MMP1: variants seen among roughly 807,000 people sequenced by gnomAD.
MMP1 encodes interstitial collagenase.
In MMP1, 51 loss-of-function variants were observed where a neutral mutation model predicts 49.6. The ratio of observed to expected loss-of-function variants is 1.03; its 90% CI spans 0.82 to 1.30. The LOEUF is 1.30. MMP1 is among the 50% of genes most tolerant of loss of function. The pLI is 0.00. For synonymous variants in MMP1, 230 were observed against 196.8 expected (o/e 1.17, Z -1.41); for missense variants, 623 against 568.7 (o/e 1.10, Z -0.97).
chr11:102,797,284 G>A lies in MMP1; in HGVS notation c.322C>T (p.Arg108Cys), dbSNP rs534208150. Reference protein sequence around the residue: ...AQFVLTEGNPRWEQTHLTYRI... With the variant: ...AQFVLTEGNPCWEQTHLTYRI... ...TAGGTCAGATGTGTTTGCTCCCAGC[G>A]AGGGTTCCCCTCAGTGAGGACAAAC... is the stretch of plus-strand genomic sequence containing the variant. Residue 108 changes from arginine to cysteine, a missense_variant, in exon 2 of 10, where the codon CGC becomes TGC. Arg to Cys is a radical substitution (Grantham distance 180). Coordinates refer to ENST00000315274, the MANE Select transcript of MMP1 (RefSeq NM_002421.4). 45 of 1,614,190 alleles carry A rather than the reference G, an allele frequency of 2.8e-5. No homozygotes were observed. The highest frequency in any genetic ancestry group is 2.0e-4 in the South Asian group (18 of 91,084).
Position 102,796,602 on chromosome 11 carries a change from C to T in MMP1, c.625+62G>A, listed in dbSNP as rs1409159587. The T allele has an allele frequency of 1.9e-6, 3 of 1,550,980 alleles. No individual in the cohort carries two copies. The African/African-American group carries it at 4.1e-5, about 21-fold the overall frequency. ...AATGCATTCTTTCAACTAAATCAAC[C>T]AATATTACAATGAAACATGAAGGGG... On this transcript the variant is annotated intron_variant, in intron 4 of 9. Coordinates refer to ENST00000315274, the MANE Select transcript of MMP1 (RefSeq NM_002421.4).
rs188631338 is a variant in MMP1 at position 102,794,787 on chromosome 11, T to C, written c.899+387A>G. ...ACTTTCTCCTAAGAAAGTCCAATGA[T>C]ACTTATCACCATAAAGAGTGGCATA... On this transcript the variant is annotated intron_variant, in intron 6 of 9. Coordinates refer to ENST00000315274, the MANE Select transcript of MMP1 (RefSeq NM_002421.4). The surrounding 1 kb of genome is among the most constrained non-coding windows in gnomAD (Gnocchi z 4.3). 2.4e-4 allele frequency among the ~76,000 whole-genome samples: 37 copies of C among 152,290 alleles called. No homozygotes were observed. The highest frequency in any genetic ancestry group is 8.7e-4 in the African/African-American group (36 of 41,562).
Position 102,797,361 on chromosome 11 carries a change from T to A in MMP1, c.245A>T (p.Glu82Val). Residue 82 changes from glutamate to valine, a missense_variant, in exon 2 of 10, where the codon GAA becomes GTA. Transcript: ENST00000315274. Reference sequence around the variant, plus strand: ...GGGCTGCTTCATCACCTTCAGGGTTTCAGCATCTGGTTTCCCAGTCACTTT... The same window carrying A: ...GGGCTGCTTCATCACCTTCAGGGTTACAGCATCTGGTTTCCCAGTCACTTT... ...GLKVTGKPDA[E>V]TLKVMKQPRC... 1 of 1,614,210 alleles carries A rather than the reference T, an allele frequency of 6.2e-7. No individual in the cohort carries two copies.
chr11:102,790,566 T>G (rs1857998075), intron 9 of MMP1, 45 bp from the exon 10 acceptor site: 2 of 1,397,810 alleles, frequency 1.4e-6, no homozygotes, highest in African/African-American at 2.9e-5. Flanking sequence ...ACAAGTAGTT[T>G]CTAGGTTTAA....
chr11:102,790,447 T>C lies in MMP1; in HGVS notation c.1375A>G (p.Lys459Glu), dbSNP rs1218634787. The change falls in exon 10 of 10, where the codon AAA becomes GAA. Residue 459 changes from lysine to glutamate, a missense_variant. Lys to Glu is a moderately conservative substitution (Grantham distance 56, BLOSUM62 1). Coordinates refer to ENST00000315274, the MANE Select transcript of MMP1 (RefSeq NM_002421.4). ...PKTKRILTLQ[K>E]ANSWFNCRKN ...CTGCAGTTGAACCAGCTATTAGCTT[T>C]CTGGAGAGTCAAAATTCTCTTCGTT... The C allele has an allele frequency of 6.2e-7, 1 of 1,610,716 alleles. No individual in the cohort carries two copies. Among genetic ancestry groups the C allele is most frequent in the African/African-American group, 1.3e-5 (1 of 74,798 alleles).
intron 7 of MMP1, 126 bp from the exon 8 acceptor site, chr11:102,791,621 G>C (rs201919809): frequency 9.6e-7 from 1 of 1,036,944 alleles, no homozygotes; most frequent in Non-Finnish European, 1.4e-6. Flanking sequence ...GAATCATCTA[G>C]GGAGATTTTT....
At position 102,797,098 on chromosome 11, in the gene MMP1, G is replaced by C. The variant is rs1282844660; in HGVS notation, c.415C>G (p.Gln139Glu). 1 of 1,614,138 alleles carries C rather than the reference G, an allele frequency of 6.2e-7. No homozygotes were observed. Among genetic ancestry groups the C allele is most frequent in the East Asian group, 2.2e-5 (1 of 44,880 alleles). Residue 139 changes from glutamine to glutamate, a missense_variant, in exon 3 of 10, where the codon CAA becomes GAA. Gln to Glu is a conservative substitution (Grantham distance 29, BLOSUM62 2). Coordinates refer to ENST00000315274, the MANE Select transcript of MMP1 (RefSeq NM_002421.4). ...AGAGGTGTGACATTACTCCAGAGTT[G>C]GAAGGCTTTCTCAATGGCATGGTCC... ...DVDHAIEKAF[Q>E]LWSNVTPLTF...
rs1396311566 is a variant in MMP1 at position 102,797,985 on chromosome 11, TACCTGG to T, written c.102_105+2del. On this transcript the variant is annotated splice_donor_variant and coding_sequence_variant, in exon 1 of 10. Transcript: ENST00000315274. LOFTEE classifies it high-confidence loss of function. ...TTATTGTCACATGCAATGCAGCATT[TACCTGG>T]ACTAAGTCCACATCTTGCTCTTGTG... The T allele has an allele frequency of 6.2e-7, 1 of 1,602,628 alleles. No homozygotes were observed. The highest frequency in any genetic ancestry group is 1.7e-4 in the Middle Eastern group (1 of 6,040).
intron 4 of MMP1, among the ~76,000 whole-genome samples, chr11:102,796,373 C>T (rs1565212505): frequency 6.6e-6 from 1 of 152,182 alleles, no homozygotes; most frequent in Non-Finnish European, 1.5e-5. Flanking sequence ...TTAAATTTCA[C>T]TGTTTTCTTC....
rs1025341739 is a variant in MMP1, at chr11:102,790,902, A to G, written c.1197-96T>C. The G allele has an allele frequency of 2.7e-5, 20 of 750,110 alleles. No homozygotes were observed. In the East Asian group the frequency reaches 5.0e-4, roughly 19 times the overall value. The allele number at this position is 750,110 out of a possible 1,614,324, so 46.5% of individuals were successfully genotyped here. On this transcript the variant is annotated intron_variant, in intron 8 of 9. Coordinates refer to ENST00000315274, the MANE Select transcript of MMP1 (RefSeq NM_002421.4). The stretch of plus-strand genomic sequence containing the variant: ...ATACACAATGAGGAATTTAACCAGA[A>G]TATTTCATTTTATAGATCATTTGTG...
At position 102,790,301 on chromosome 11, in the gene MMP1, C is replaced by A. The variant is rs911038133; in HGVS notation, c.*111G>T. 1.8e-5 allele frequency: 11 copies of A among 596,324 alleles called. No homozygotes were observed. Among genetic ancestry groups the A allele is most frequent in the Admixed American group, 9.9e-5 (3 of 30,256 alleles). 36.9% of individuals were successfully genotyped at this position (596,324 alleles called of 1,614,324 possible). On this transcript the variant is annotated 3_prime_UTR_variant, in exon 10 of 10. Coordinates refer to ENST00000315274, the MANE Select transcript of MMP1 (RefSeq NM_002421.4). ...ACTGAGGTATAAATAAGATTATATT[C>A]TGTGTATCAGTGACTCTAGAGGTTA...
intron 8 of MMP1, among the ~76,000 whole-genome samples, chr11:102,791,086 C>T (rs1858016717): frequency 6.6e-6 from 1 of 152,276 alleles, no homozygotes; most frequent in Admixed American, 6.5e-5. Flanking sequence ...AAAGTAGCTC[C>T]GTTAAGATGA....
At chr11:102,793,414 T>C (rs1027352892) in intron 6 of MMP1, among the ~76,000 whole-genome samples, 1 of 152,216 alleles carries the variant, frequency 6.6e-6, no homozygotes, top group Non-Finnish European at 1.5e-5. Flanking sequence ...CCACTGCACC[T>C]GGCCTATAAT....
At position 102,791,405 on chromosome 11, in the gene MMP1, T is replaced by C. The variant is rs1858026473; in HGVS notation, c.1124A>G (p.Lys375Arg). ...CTCAGAAAGAGCAGCATCGATATGC[T>C]TCACAGTTCTAGGGAAGCCAAAGGA... ...YSSFGFPRTV[K>R]HIDAALSEEN... The change falls in exon 8 of 10, where the codon AAG (lysine) becomes AGG (arginine). Residue 375 changes from lysine (K) to arginine (R), a missense_variant. By Grantham distance (26) the Lys-to-Arg change is conservative. Transcript: ENST00000315274. 1.2e-6 allele frequency: 2 copies of C among 1,613,966 alleles called. No individual in the cohort carries two copies. Among genetic ancestry groups the C allele is most frequent in the Admixed American group, 1.7e-5 (1 of 59,996 alleles).
At chr11:102,793,270 C>T (rs1193052409) in intron 6 of MMP1, 1 of 152,184 alleles carries the variant, frequency 6.6e-6, no homozygotes, top group Non-Finnish European at 1.5e-5. Context: ...AGGTACAGGC[C>T]AACACGCCCA....
chr11:102,790,677 G>A lies in MMP1; in HGVS notation c.1300+26C>T, dbSNP rs1312505219. 8.0e-6 allele frequency: 12 copies of A among 1,498,302 alleles called. No homozygotes were observed. In the African/African-American group the frequency reaches 1.5e-4, roughly 19 times the overall value. 92.8% of individuals were successfully genotyped at this position (1,498,302 alleles called of 1,614,324 possible). A position where few individuals can be genotyped will look rare whatever the true frequency, so the allele number is the denominator to read the frequency against. ...ATGTTATTGCTACGGCAATGAAATG[G>A]AGGAAATACATGTATATTCACTTAC... On this transcript the variant is annotated intron_variant, in intron 9 of 9. Coordinates refer to ENST00000315274, the MANE Select transcript of MMP1 (RefSeq NM_002421.4).
rs1425567466 is a variant in MMP1 at position 102,792,703 on chromosome 11, A to G, written c.935T>C (p.Val312Ala). The change falls in exon 7 of 10, where the codon GTT becomes GCT. Residue 312 changes from valine to alanine, a missense_variant. Val to Ala is a moderately conservative substitution (Grantham distance 64). Coordinates refer to ENST00000315274, the MANE Select transcript of MMP1 (RefSeq NM_002421.4). ...YMRTNPFYPE[V>A]ELNFISVFWP... is the part of the protein sequence containing the mutation. ...GAAAACAGAAATGAAATTGAGCTCA[A>G]CTTCCGGGTAGAAGGGATTTGTGCG... The G allele has an allele frequency of 3.7e-6, 6 of 1,613,646 alleles. No individual in the cohort carries two copies. The highest frequency in any genetic ancestry group is 2.7e-5 in the African/African-American group (2 of 74,914).
intron 7 of MMP1, among the ~76,000 whole-genome samples, chr11:102,791,823 C>T (rs964083948): frequency 6.6e-6 from 1 of 152,178 alleles, no homozygotes; most frequent in African/African-American, 2.4e-5. Context: ...AACTTCGGTT[C>T]TCCAGGTTTG....
chr11:102,790,380 C>A lies in MMP1; in HGVS notation c.*32G>T. ...CAGGAAAACACCTTCTTTGGACTCA[C>A]ACCATGTGTTTTCCATTCAAATTAG... On this transcript the variant is annotated 3_prime_UTR_variant, in exon 10 of 10. Transcript: ENST00000315274. The A allele has an allele frequency of 1.5e-6, 2 of 1,339,500 alleles. No individual in the cohort carries two copies. Among genetic ancestry groups the A allele is most frequent in the Non-Finnish European group, 2.1e-6 (2 of 941,474 alleles). 83.0% of individuals were successfully genotyped at this position (1,339,500 alleles called of 1,614,324 possible). A position where few individuals can be genotyped will look rare whatever the true frequency, so the allele number is the denominator to read the frequency against.
Sources: gnomAD v4.1 joint callset for allele counts (sites outside exome capture counted in the v4.1 genomes callset) on GRCh38, gnomAD v4.1.1 for gene constraint, Gnocchi (gnomAD v3.1) non-coding constraint, MANE v1.5 for transcripts, NCBI Gene and HGNC (gene_info 2026-07-23, HGNC 2026-07-21) for gene names.